Variants in PPARGC1A observed in about 807,000 individuals in gnomAD.
PPARGC1A encodes peroxisome proliferator-activated receptor gamma coactivator 1-alpha.
Under a neutral mutation model 88.7 loss-of-function variants are expected in PPARGC1A, and 25 were observed. The observed-to-expected ratio is 0.28, with a 90% CI of 0.21 to 0.39. PPARGC1A has a LOEUF of 0.39. Among genes scored for constraint, PPARGC1A ranks in the 10% least tolerant of loss-of-function variants. The probability of loss-of-function intolerance (pLI) is 1.00; values close to 1 mark genes in which losing one functional copy is unlikely to be tolerated. For missense variants in PPARGC1A, 880 were observed against 968.7 expected (o/e 0.91, Z 1.22); for synonymous variants, 363 against 355.6 (o/e 1.02, Z -0.24).
chr4:23,839,157 T>G (rs1017341203), intron 2 of PPARGC1A, among the ~76,000 whole-genome samples: 39 of 152,194 alleles, frequency 2.6e-4, no homozygotes, highest in Admixed American at 1.2e-3. Context: ...GACTCCATCC[T>G]TATTGATTTG....
At chr4:24,453,074 G>T in the PPARGC1A span, among the ~76,000 whole-genome samples, 2 of 152,124 alleles carry the variant, frequency 1.3e-5, no homozygotes, top group Non-Finnish European at 1.5e-5. Flanking sequence ...CATTATAAAA[G>T]GGGGAAATTT....
the PPARGC1A span, among the ~76,000 whole-genome samples, chr4:24,329,265 T>C: frequency 2.0e-5 from 3 of 151,994 alleles, no homozygotes; most frequent in South Asian, 6.2e-4. Context: ...AAGCTTTTTT[T>C]TTTTTCCTCT....
chr4:23,991,486 G>C, the PPARGC1A span, among the ~76,000 whole-genome samples: 2 of 151,932 alleles, frequency 1.3e-5, no homozygotes, highest in East Asian at 1.9e-4. Flanking sequence ...CACTCTGATT[G>C]CATCAGGGGA....
the PPARGC1A span, among the ~76,000 whole-genome samples, chr4:24,135,125 G>A: frequency 1.3e-5 from 2 of 151,944 alleles, no homozygotes; most frequent in Non-Finnish European, 2.9e-5. Flanking sequence ...CAGCTTCCTA[G>A]GTCTTTGCAA....
the PPARGC1A span, among the ~76,000 whole-genome samples, chr4:24,442,428 C>A: frequency 6.6e-6 from 1 of 152,060 alleles, no homozygotes; most frequent in African/African-American, 2.4e-5. Context: ...AGTTTTAATT[C>A]GTAATCTTAC....
At chr4:24,392,376 A>C in the PPARGC1A span, among the ~76,000 whole-genome samples, 2 of 152,238 alleles carry the variant, frequency 1.3e-5, no homozygotes, top group African/African-American at 4.8e-5. Flanking sequence ...TCCTGAAAAG[A>C]GGAAAAGAAA....
chr4:24,318,185 C>T, the PPARGC1A span, among the ~76,000 whole-genome samples: 3 of 152,176 alleles, frequency 2.0e-5, no homozygotes, highest in Non-Finnish European at 4.4e-5. Flanking sequence ...TAGCTAATGA[C>T]AGGCGACCAC....
chr4:24,251,250 C>A, the PPARGC1A span, among the ~76,000 whole-genome samples: 1 of 152,128 alleles, frequency 6.6e-6, no homozygotes, highest in South Asian at 2.1e-4. Context: ...TGTGATCTTG[C>A]GCAAGTTACT....
At chr4:23,797,235 A>G (rs1717770404) in intron 12 of PPARGC1A, among the ~76,000 whole-genome samples, 2 of 152,144 alleles carry the variant, frequency 1.3e-5, no homozygotes, top group South Asian at 4.1e-4. Context: ...AGCATCTTAA[A>G]TAGTCAATTC....
chr4:24,387,281 T>TA, the PPARGC1A span, among the ~76,000 whole-genome samples: 13 of 151,886 alleles, frequency 8.6e-5, no homozygotes, highest in South Asian at 2.1e-4. Flanking sequence ...CCTAAAACCA[T>TA]AAAAAACCCT....
chr4:24,465,841 G>A, the PPARGC1A span, among the ~76,000 whole-genome samples: 81 of 152,256 alleles, frequency 5.3e-4, no homozygotes, highest in Non-Finnish European at 1.0e-3. Context: ...TAACATGGCC[G>A]GGATGAGAAA....
the PPARGC1A span, among the ~76,000 whole-genome samples, chr4:24,041,877 A>G: frequency 2.0e-5 from 3 of 151,888 alleles, no homozygotes; most frequent in Non-Finnish European, 4.4e-5. Flanking sequence ...CAGGTGTCAG[A>G]TTGTGAGATA....
the PPARGC1A span, among the ~76,000 whole-genome samples, chr4:24,242,107 C>T: frequency 2.6e-5 from 4 of 152,162 alleles, no homozygotes; most frequent in Non-Finnish European, 5.9e-5. Flanking sequence ...ATCTCTTTAC[C>T]CCTCACACTG....
At chr4:24,312,404 A>G in the PPARGC1A span, among the ~76,000 whole-genome samples, 4 of 145,420 alleles carry the variant, frequency 2.8e-5, no homozygotes, top group African/African-American at 1.0e-4. Context: ...TTTTTTTTTT[A>G]GGTTTGAATC....
the PPARGC1A span, among the ~76,000 whole-genome samples, chr4:24,271,652 C>T: frequency 6.6e-6 from 1 of 152,168 alleles, no homozygotes; most frequent in Admixed American, 6.5e-5. Context: ...GCTGGGATTA[C>T]AGGCGTGAGC....
At chr4:23,944,386 C>T in the PPARGC1A span, among the ~76,000 whole-genome samples, 1 of 152,208 alleles carries the variant, frequency 6.6e-6, no homozygotes, top group Non-Finnish European at 1.5e-5. Context: ...GAGCACAGAT[C>T]CCACGTATTT....
intron 10 of PPARGC1A, among the ~76,000 whole-genome samples, chr4:23,804,381 A>G (rs1488382726): frequency 4.6e-5 from 7 of 152,000 alleles, no homozygotes; most frequent in East Asian, 3.9e-4. Flanking sequence ...TCTGTAATCT[A>G]TTTTCTTTAT....
chr4:23,842,082 G>T (rs559166277), intron 2 of PPARGC1A, among the ~76,000 whole-genome samples: 1 of 152,076 alleles, frequency 6.6e-6, no homozygotes, highest in Non-Finnish European at 1.5e-5. Flanking sequence ...ATGAGTGGGC[G>T]TGGGCTATTT....
the PPARGC1A span, among the ~76,000 whole-genome samples, chr4:23,944,783 C>T: frequency 3.3e-5 from 5 of 152,232 alleles, no homozygotes; most frequent in East Asian, 7.7e-4. Context: ...TTGCTGCTGC[C>T]GTGTAAAGAG....
Sources: gnomAD v4.1 joint callset for allele counts (sites outside exome capture counted in the v4.1 genomes callset) on GRCh38, gnomAD v4.1.1 for gene constraint, MANE v1.5 for transcripts, NCBI Gene and HGNC (gene_info 2026-07-23, HGNC 2026-07-21) for gene names.